FILIP1L: variants seen among roughly 807,000 people sequenced by gnomAD.
The protein encoded by FILIP1L is filamin A-interacting protein 1-like.
In FILIP1L, 55 loss-of-function variants were observed where a neutral mutation model predicts 96.6. The ratio of observed to expected loss-of-function variants is 0.57; its 90% CI spans 0.46 to 0.71. FILIP1L has a LOEUF of 0.71. Among genes scored for constraint, FILIP1L ranks in the 30% least tolerant of loss-of-function variants. FILIP1L has a pLI of 0.00. For missense variants in FILIP1L, 1,304 were observed against 1,321.2 expected (o/e 0.99, Z 0.20); for synonymous variants, 467 against 473.9 (o/e 0.99, Z 0.19).
chr3:99,994,744 G>A (rs1709625191), intron 1 of FILIP1L, among the ~76,000 whole-genome samples: 1 of 152,132 alleles, frequency 6.6e-6, no homozygotes, highest in Non-Finnish European at 1.5e-5. Flanking sequence ...ATGGTGGGAG[G>A]CAAAAGGCAC....
At chr3:99,933,725 ATCTATG>A (rs1261011217) in intron 1 of FILIP1L, among the ~76,000 whole-genome samples, 1 of 152,116 alleles carries the variant, frequency 6.6e-6, no homozygotes, top group Non-Finnish European at 1.5e-5. Context: ...TTATAGGGCC[ATCTATG>A]TCCTTTGTCT....
chr3:100,026,934 C>G (rs1409646075), intron 1 of FILIP1L, among the ~76,000 whole-genome samples: 1 of 151,930 alleles, frequency 6.6e-6, no homozygotes, highest in Non-Finnish European at 1.5e-5. Flanking sequence ...ATAAGACTCT[C>G]CGACCTCATC....
intron 1 of FILIP1L, among the ~76,000 whole-genome samples, chr3:100,096,286 G>A (rs550334429): frequency 1.3e-4 from 11 of 83,330 alleles, no homozygotes; most frequent in African/African-American, 4.3e-4. Flanking sequence ...AATGAAATCA[G>A]TATAGCAAAG....
chr3:100,080,198 G>C (rs1245215107), intron 1 of FILIP1L, among the ~76,000 whole-genome samples: 2 of 151,992 alleles, frequency 1.3e-5, no homozygotes, highest in African/African-American at 4.8e-5. Context: ...TGCCCAGGCT[G>C]GTCTCAAACT....
intron 5 of FILIP1L, among the ~76,000 whole-genome samples, chr3:99,845,797 T>A (rs1289647529): frequency 6.6e-6 from 1 of 152,224 alleles, no homozygotes; most frequent in Non-Finnish European, 1.5e-5. Flanking sequence ...ACGTTATTAA[T>A]CTGTCTCCTA....
At chr3:99,955,592 G>A (rs903644504) in intron 1 of FILIP1L, among the ~76,000 whole-genome samples, 1 of 152,074 alleles carries the variant, frequency 6.6e-6, no homozygotes, top group Non-Finnish European at 1.5e-5. Flanking sequence ...TTTTTTACTT[G>A]TGAAAGACTG....
At position 100,051,197 on chromosome 3, in the gene FILIP1L, C is replaced by T. The variant is rs1051939401; in HGVS notation, c.-11+62856G>A. Reference sequence around the variant, plus strand: ...TCACAATTCTTCTCTGTGAGTCCAGCTTCTTATTTTTTCCGATATTCTGTT... The same window carrying T: ...TCACAATTCTTCTCTGTGAGTCCAGTTTCTTATTTTTTCCGATATTCTGTT... On this transcript the variant is annotated intron_variant, in intron 1 of 5. Transcript: ENST00000477258. 6 of 152,156 alleles carry T rather than the reference C, an allele frequency of 3.9e-5. No individual in the cohort carries two copies. The East Asian group carries it at 1.2e-3, about 29-fold the overall frequency. The allele number at this position is 152,156 out of a possible 1,614,324, so 9.4% of individuals were successfully genotyped here.
chr3:100,033,359 C>A (rs1376321947), intron 1 of FILIP1L, among the ~76,000 whole-genome samples: 1 of 152,196 alleles, frequency 6.6e-6, no homozygotes, highest in East Asian at 1.9e-4. Flanking sequence ...GGAAAACCCA[C>A]AAGCTCAGCA....
At chr3:100,017,365 T>C (rs1710374900) in intron 1 of FILIP1L, among the ~76,000 whole-genome samples, 1 of 152,208 alleles carries the variant, frequency 6.6e-6, no homozygotes. Context: ...ATGACCATGC[T>C]AATCACTCCT....
chr3:100,019,148 C>A (rs1230140180), intron 1 of FILIP1L, among the ~76,000 whole-genome samples: 1 of 152,102 alleles, frequency 6.6e-6, no homozygotes, highest in Non-Finnish European at 1.5e-5. Flanking sequence ...AATAGGTCTA[C>A]CTTATTATCC....
At chr3:99,998,931 A>G (rs539590693) in intron 1 of FILIP1L, among the ~76,000 whole-genome samples, 1 of 152,324 alleles carries the variant, frequency 6.6e-6, no homozygotes, top group East Asian at 1.9e-4. Context: ...GTTCTCCACT[A>G]TCTTTGGCAT....
chr3:100,051,374 A>T (rs950861347), intron 1 of FILIP1L: 2 of 151,758 alleles, frequency 1.3e-5, no homozygotes, highest in Non-Finnish European at 1.5e-5. Flanking sequence ...ATATATATAT[A>T]TTTTAAGTTT....
chr3:99,941,209 G>T (rs571768532), intron 1 of FILIP1L, among the ~76,000 whole-genome samples: 1 of 151,768 alleles, frequency 6.6e-6, no homozygotes, highest in Non-Finnish European at 1.5e-5. Flanking sequence ...TTAGACACAC[G>T]GAGTTGATAT....
At chr3:99,992,041 T>C (rs944276802) in intron 1 of FILIP1L, among the ~76,000 whole-genome samples, 3 of 151,066 alleles carry the variant, frequency 2.0e-5, no homozygotes, top group Non-Finnish European at 4.4e-5. Context: ...TATATATATA[T>C]ACCACTCTTT....
chr3:100,020,760 CT>C (rs34665880), intron 1 of FILIP1L, among the ~76,000 whole-genome samples: 9,490 of 70,294 alleles, frequency 0.14, 63 homozygotes, highest in South Asian at 0.16. Flanking sequence ...GAATAATTAG[CT>C]TTTTTTTTTT....
intron 4 of FILIP1L, among the ~76,000 whole-genome samples, chr3:99,857,770 C>T (rs559108686): frequency 6.6e-6 from 1 of 152,344 alleles, no homozygotes; most frequent in South Asian, 2.1e-4. Flanking sequence ...TAGAGAATAA[C>T]TTCAGAGTCA....
intron 4 of FILIP1L, among the ~76,000 whole-genome samples, chr3:99,913,316 C>T (rs1022314701): frequency 6.6e-6 from 1 of 152,216 alleles, no homozygotes; most frequent in African/African-American, 2.4e-5. Context: ...TACATTACTA[C>T]ACAGCAGCAT....
intron 1 of FILIP1L, among the ~76,000 whole-genome samples, chr3:100,019,273 T>G (rs1013839087): frequency 2.0e-5 from 3 of 152,106 alleles, no homozygotes; most frequent in African/African-American, 7.2e-5. Flanking sequence ...GGCAGGAGGA[T>G]CTCTTCAGCC....
intron 1 of FILIP1L, among the ~76,000 whole-genome samples, chr3:100,061,772 T>C (rs2065570768): frequency 1.3e-5 from 2 of 152,204 alleles, no homozygotes; most frequent in South Asian, 4.1e-4. Flanking sequence ...GAGAAGGTAA[T>C]GCAATACCCA....
Sources: gnomAD v4.1 joint callset for allele counts (sites outside exome capture counted in the v4.1 genomes callset) on GRCh38, gnomAD v4.1.1 for gene constraint, MANE v1.5 for transcripts, NCBI Gene and HGNC (gene_info 2026-07-23, HGNC 2026-07-21) for gene names.